Variants in TMTC1 observed in about 807,000 individuals in gnomAD.
TMTC1 encodes the protein protein O-mannosyl-transferase TMTC1.
A neutral mutation model predicts 104.8 loss-of-function variants in TMTC1; 73 were observed. The observed-to-expected ratio is 0.70, with a 90% CI of 0.58 to 0.85. The LOEUF (loss-of-function observed/expected upper bound fraction) is 0.85, where lower values mean the gene tolerates loss of function less well. Ranked by LOEUF, TMTC1 falls within the 40% of genes least tolerant of loss-of-function variation. TMTC1 has a pLI of 0.00. For missense variants in TMTC1, 1,035 were observed against 1,096.1 expected, an observed-to-expected ratio of 0.94 and a Z score of 0.79; for synonymous variants, 434 against 428.7, an observed-to-expected ratio of 1.01 and a Z score of -0.15.
chr12:29,753,782 A>G (rs919820235), intron 4 of TMTC1, among the ~76,000 whole-genome samples: 2 of 152,234 alleles, frequency 1.3e-5, no homozygotes, highest in African/African-American at 2.4e-5. Context: ...CAGAATGAGT[A>G]TGTGTTGAAC....
chr12:29,619,089 A>T (rs1947063189), intron 6 of TMTC1, among the ~76,000 whole-genome samples: 1 of 152,210 alleles, frequency 6.6e-6, no homozygotes, highest in South Asian at 2.1e-4. Flanking sequence ...GGGAAAAAAA[A>T]ACTAAAGCTG....
At position 29,755,793 on chromosome 12, in the gene TMTC1, A is replaced by G. The variant is rs1250687194; in HGVS notation, c.647T>C (p.Met216Thr). ...CGTGATGCCTGTCTCTTTCACCAGC[A>G]TCGCACAGGTCCCCAGAAACAAACT... ...LLSLFLGTCA[M>T]LVKETGITVF... Residue 216 changes from methionine to threonine, a missense_variant, in exon 4 of 18, where the codon ATG becomes ACG. Physicochemically the swap from Met to Thr is moderately conservative, Grantham distance 81. Coordinates refer to ENST00000539277, the MANE Select transcript of TMTC1 (RefSeq NM_001193451.2). 1 of 1,614,214 alleles carries G rather than the reference A, an allele frequency of 6.2e-7. No individual in the cohort carries two copies. The highest frequency in any genetic ancestry group is 8.5e-7 in the Non-Finnish European group (1 of 1,180,040).
chr12:29,551,006 G>A (rs906630373), intron 10 of TMTC1, among the ~76,000 whole-genome samples: 14 of 143,240 alleles, frequency 9.8e-5, no homozygotes, highest in Non-Finnish European at 1.3e-4. Context: ...AAACAAACAT[G>A]ATTTGGACAA....
intron 5 of TMTC1, among the ~76,000 whole-genome samples, chr12:29,698,310 A>T (rs935744272): frequency 7.2e-5 from 11 of 152,162 alleles, no homozygotes; most frequent in Non-Finnish European, 1.6e-4. Context: ...CCTATGTGGA[A>T]GTGTATATAA....
intron 7 of TMTC1, among the ~76,000 whole-genome samples, chr12:29,585,877 C>A (rs1946120239): frequency 6.6e-6 from 1 of 151,672 alleles, no homozygotes; most frequent in South Asian, 2.1e-4. Context: ...TAGCGTGATG[C>A]CTCCAGCTTT....
intron 5 of TMTC1, among the ~76,000 whole-genome samples, chr12:29,700,965 T>G (rs1008913844): frequency 6.6e-6 from 1 of 152,086 alleles, no homozygotes; most frequent in Non-Finnish European, 1.5e-5. Flanking sequence ...TTTGCAAGTT[T>G]GGGGGTTTGT....
intron 17 of TMTC1, among the ~76,000 whole-genome samples, chr12:29,508,808 C>A (rs1002780082): frequency 6.6e-6 from 1 of 152,114 alleles, no homozygotes; most frequent in African/African-American, 2.4e-5. Context: ...AAACCCCCGA[C>A]CTCAGGTGAT....
intron 5 of TMTC1, among the ~76,000 whole-genome samples, chr12:29,644,111 A>ATGTG (rs371107912): frequency 0.26 from 18,929 of 74,180 alleles, 3,148 homozygotes; most frequent in Middle Eastern, 0.41. Flanking sequence ...ATAAATATAT[A>ATGTG]TGTGTGTGTG....
chr12:29,670,934 C>CAAAAAAAAAAAAAA (rs374719241), intron 5 of TMTC1, among the ~76,000 whole-genome samples: 991 of 66,568 alleles, frequency 0.015, 22 homozygotes, highest in African/African-American at 0.033. Flanking sequence ...GACTCTGTCT[C>CAAAAAAAAAAAAAA]AAAAAAAAAG....
intron 5 of TMTC1, among the ~76,000 whole-genome samples, chr12:29,638,484 C>T (rs1184251108): frequency 6.6e-6 from 1 of 152,124 alleles, no homozygotes; most frequent in Non-Finnish European, 1.5e-5. Context: ...TCCAAGCCCA[C>T]GTGTGATCTG....
chr12:29,781,292 C>T (rs1943830642), intron 1 of TMTC1, among the ~76,000 whole-genome samples: 2 of 152,168 alleles, frequency 1.3e-5, no homozygotes, highest in African/African-American at 4.8e-5. Context: ...AAGAGTGTAT[C>T]TTTCATAGGC....
intron 6 of TMTC1, among the ~76,000 whole-genome samples, chr12:29,611,205 T>C (rs1259696832): frequency 6.7e-6 from 1 of 148,250 alleles, no homozygotes; most frequent in East Asian, 2.0e-4. Flanking sequence ...GCACAGAGCC[T>C]TTTGTTTGAT....
At chr12:29,532,287 C>T (rs576857896) in intron 11 of TMTC1, among the ~76,000 whole-genome samples, 63 of 152,036 alleles carry the variant, frequency 4.1e-4, no homozygotes, top group African/African-American at 1.3e-3. Flanking sequence ...ACTGCCCTTT[C>T]GGAAAGCAAT....
intron 5 of TMTC1, among the ~76,000 whole-genome samples, chr12:29,707,541 A>G (rs1941782145): frequency 6.6e-6 from 1 of 152,198 alleles, no homozygotes; most frequent in East Asian, 1.9e-4. Flanking sequence ...CTCTTTGAAG[A>G]TCTCTTCTGA....
intron 10 of TMTC1, among the ~76,000 whole-genome samples, chr12:29,548,786 A>G (rs1199699128): frequency 2.2e-5 from 3 of 133,390 alleles, no homozygotes; most frequent in Non-Finnish European, 3.1e-5. Context: ...ATATTTATAT[A>G]TTACATATAA....
intron 15 of TMTC1, 78 bp from the exon 16 acceptor site, chr12:29,514,682 T>C: frequency 1.4e-6 from 2 of 1,477,422 alleles, no homozygotes; most frequent in South Asian, 1.3e-5. Context: ...AAATTTATAC[T>C]TTTTGTTCCT....
chr12:29,774,428 A>G (rs930040423), intron 1 of TMTC1, among the ~76,000 whole-genome samples: 4 of 152,208 alleles, frequency 2.6e-5, no homozygotes, highest in Non-Finnish European at 4.4e-5. Flanking sequence ...AATAGAGTAC[A>G]TTCTTTTCCA....
intron 8 of TMTC1, among the ~76,000 whole-genome samples, chr12:29,578,240 C>T (rs1945877900): frequency 6.6e-6 from 1 of 151,938 alleles, no homozygotes; most frequent in Non-Finnish European, 1.5e-5. Flanking sequence ...GAACACACTG[C>T]TTTTTCCCAT....
chr12:29,558,724 C>A (rs1945307885), intron 9 of TMTC1, among the ~76,000 whole-genome samples: 1 of 152,218 alleles, frequency 6.6e-6, no homozygotes, highest in Non-Finnish European at 1.5e-5. Flanking sequence ...TCTCTGATCG[C>A]TTTTAATTAG....
Sources: gnomAD v4.1 joint callset for allele counts (sites outside exome capture counted in the v4.1 genomes callset) on GRCh38, gnomAD v4.1.1 for gene constraint, MANE v1.5 for transcripts, NCBI Gene and HGNC (gene_info 2026-07-23, HGNC 2026-07-21) for gene names.